Variants in DIP2A observed in about 807,000 individuals in gnomAD.
DIP2A encodes the protein DIP2 acetate--CoA ligase A, also known as disco-interacting protein 2 homolog A.
Under a neutral mutation model 177.4 loss-of-function variants are expected in DIP2A, and 85 were observed. That is an observed-to-expected ratio of 0.48 (90% CI 0.40 to 0.57). DIP2A has a LOEUF of 0.57. Among genes scored for constraint, DIP2A ranks in the 20% least tolerant of loss-of-function variants. The probability of loss-of-function intolerance (pLI) is 0.00; values close to 1 mark genes in which losing one functional copy is unlikely to be tolerated. For missense variants in DIP2A, 1,791 were observed against 2,100.2 expected (o/e 0.85, Z 2.88); for synonymous variants, 886 against 881.8 (o/e 1.00, Z -0.08).
intron 1 of DIP2A, among the ~76,000 whole-genome samples, chr21:46,476,523 A>G (rs2055860455): frequency 6.6e-6 from 1 of 152,128 alleles, no homozygotes; most frequent in Non-Finnish European, 1.5e-5. Flanking sequence ...AAGGAGGGAA[A>G]TGGAGAGAGC....
chr21:46,493,345 C>G (rs975227160), intron 3 of DIP2A, among the ~76,000 whole-genome samples: 1 of 131,784 alleles, frequency 7.6e-6, no homozygotes, highest in African/African-American at 2.7e-5. Flanking sequence ...TCTAAGACAG[C>G]AATAATGTTT....
At chr21:46,467,163 G>C (rs1025377339) in intron 1 of DIP2A, among the ~76,000 whole-genome samples, 4 of 151,918 alleles carry the variant, frequency 2.6e-5, no homozygotes, top group African/African-American at 9.7e-5. Flanking sequence ...GGGCGTGGTG[G>C]TGGGTGCCTG....
chr21:46,503,624 CTTT>C (rs1568987244), intron 5 of DIP2A, among the ~76,000 whole-genome samples: 57 of 134,866 alleles, frequency 4.2e-4, no homozygotes, highest in African/African-American at 1.6e-3. Flanking sequence ...TTCTTTCTTT[CTTT>C]CTTTCTTTCC....
In DIP2A at chr21:46,464,817, C is replaced by CTTTTTTTTTTTTTTTTTTTTTTTTTTTTT. The variant is rs1168153777; in HGVS notation, c.91+5622_91+5623insTTTTTTTTTTTTTTTTTTTTTTTTTTTTT. Among the ~76,000 whole-genome samples the CTTTTTTTTTTTTTTTTTTTTTTTTTTTTT allele has an allele frequency of 9.5e-5, 7 of 73,442 alleles. 1 individual carries two copies. Among genetic ancestry groups the CTTTTTTTTTTTTTTTTTTTTTTTTTTTTT allele is most frequent in the African/African-American group, 1.8e-4 (3 of 16,470 alleles). The allele number at this position is 73,442 out of a possible 152,430, so 48.2% of individuals were successfully genotyped here. A position where few individuals can be genotyped will look rare whatever the true frequency, so the allele number is the denominator to read the frequency against. ...TCTTCCTTTTTCTTAATATTCATGT[C>CTTTTTTTTTTTTTTTTTTTTTTTTTTTTT]TTTTTTTTTTTTTTTTTTTTTTTTT... is the stretch of plus-strand genomic sequence containing the variant. On this transcript the variant is annotated intron_variant, in intron 1 of 37. Transcript: ENST00000417564.
chr21:46,558,113 T>C (rs771934071), intron 31 of DIP2A, 110 bp from the exon 32 acceptor site: 9 of 1,124,946 alleles, frequency 8.0e-6, no homozygotes, highest in Non-Finnish European at 1.1e-5. Context: ...AGGAGGTTGG[T>C]GTCCAGCTCC....
intron 1 of DIP2A, among the ~76,000 whole-genome samples, chr21:46,459,900 CT>C (rs922496876): frequency 2.0e-5 from 3 of 152,124 alleles, no homozygotes; most frequent in African/African-American, 7.2e-5. Context: ...GGAATGACCA[CT>C]TTTGCCCCAA....
chr21:46,555,724 C>T, intron 28 of DIP2A: 1 of 507,870 alleles, frequency 2.0e-6, no homozygotes, highest in South Asian at 2.1e-5. Context: ...CGTGATGCCT[C>T]CCCTCTTCGC....
chr21:46,468,390 C>T (rs1050372466), intron 1 of DIP2A, among the ~76,000 whole-genome samples: 24 of 149,194 alleles, frequency 1.6e-4, no homozygotes, highest in African/African-American at 5.7e-4. Flanking sequence ...AATTGCACCA[C>T]TGCACTCCAT....
chr21:46,509,188 A>C, intron 6 of DIP2A, 69 bp from the exon 7 acceptor site: 1 of 1,510,706 alleles, frequency 6.6e-7, no homozygotes. Context: ...TTGTCCTTGG[A>C]CCTTACACCT....
intron 32 of DIP2A, among the ~76,000 whole-genome samples, chr21:46,559,699 G>C (rs1014228164): frequency 7.2e-5 from 11 of 152,226 alleles, no homozygotes; most frequent in Admixed American, 5.9e-4. Context: ...GGATGTTCAC[G>C]TTTGCTCTTT....
chr21:46,480,106 A>G (rs1485787247), intron 1 of DIP2A, among the ~76,000 whole-genome samples: 2 of 147,580 alleles, frequency 1.4e-5, no homozygotes, highest in African/African-American at 5.0e-5. Context: ...TATTATGGTC[A>G]GGTATTGTAT....
the DIP2A span, among the ~76,000 whole-genome samples, chr21:46,581,202 A>G: frequency 6.6e-6 from 1 of 152,186 alleles, no homozygotes; most frequent in African/African-American, 2.4e-5. Flanking sequence ...ATAGTCTTCA[A>G]GCTCTGAGAT....
In DIP2A at chr21:46,554,872, C is replaced by G; in HGVS notation, c.3327C>G (p.Leu1109=). The change falls in exon 28 of 38, where the codon CTC becomes CTG. Residue 1109 remains leucine (L), a synonymous_variant. Transcript: ENST00000417564. The part of the protein sequence containing the change: ...VLTTQAVTRL[L]RSKEAAAAVD... ...CCACGCAGGCTGTCACACGGCTGCT[C>G]AGGTCCAAGGAGGCTGCTGCTGCCG... 1 of 1,552,476 alleles carries G rather than the reference C, an allele frequency of 6.4e-7. No individual in the cohort carries two copies. Among genetic ancestry groups the G allele is most frequent in the Middle Eastern group, 1.7e-4 (1 of 5,888 alleles).
intron 1 of DIP2A, among the ~76,000 whole-genome samples, chr21:46,464,404 A>T (rs1011890252): frequency 6.6e-6 from 1 of 152,170 alleles, no homozygotes; most frequent in Non-Finnish European, 1.5e-5. Context: ...AAAAAAAGAA[A>T]AACGTTCTCA....
At chr21:46,463,701 TGTGTGTGTGTGTGTGTGTA>T (rs1568890263) in intron 1 of DIP2A, among the ~76,000 whole-genome samples, 1 of 151,532 alleles carries the variant, frequency 6.6e-6, no homozygotes, top group Non-Finnish European at 1.5e-5. Flanking sequence ...TGTGTGTGTG[TGTGTGTGTGTGTGTGTGTA>T]TATTTTGAGA....
chr21:46,484,747 G>A lies in DIP2A; in HGVS notation c.92-10G>A. Reference sequence around the variant, plus strand: ...AAGAAATGCAATTCTTTTTTCCATTGTTGTTTTAGGTGACATCACTCAAAA... The same window carrying A: ...AAGAAATGCAATTCTTTTTTCCATTATTGTTTTAGGTGACATCACTCAAAA... On this transcript the variant is annotated splice_polypyrimidine_tract_variant and intron_variant, in intron 1 of 37. Transcript: ENST00000417564. 1 of 1,549,716 alleles carries A rather than the reference G, an allele frequency of 6.5e-7. No individual in the cohort carries two copies. The highest frequency in any genetic ancestry group is 8.7e-7 in the Non-Finnish European group (1 of 1,150,424).
intron 5 of DIP2A, among the ~76,000 whole-genome samples, chr21:46,499,623 A>G (rs1178273261): frequency 6.6e-6 from 1 of 152,334 alleles, no homozygotes; most frequent in East Asian, 1.9e-4. Context: ...CCTTTAAATT[A>G]CATTCATCTT....
chr21:46,503,612 CTTTCTTTCT>C (rs1231074670), intron 5 of DIP2A, among the ~76,000 whole-genome samples: 2,014 of 79,410 alleles, frequency 0.025, 41 homozygotes, highest in African/African-American at 0.043. Context: ...TCCTTCCTTC[CTTTCTTTCT>C]TTCTTTCTTT....
chr21:46,485,776 G>C lies in DIP2A; in HGVS notation c.163+948G>C, dbSNP rs147392855. On this transcript the variant is annotated intron_variant, in intron 2 of 37. Transcript: ENST00000417564. ...GAGAAGATAGTTGTAACACAAATAAGAAGTAGTATCCAGAGGCCAGGCGCG... is the reference window on the plus strand; with the variant it reads ...GAGAAGATAGTTGTAACACAAATAACAAGTAGTATCCAGAGGCCAGGCGCG... 1.2e-4 allele frequency among the ~76,000 whole-genome samples: 18 copies of C among 152,204 alleles called. No individual in the cohort carries two copies. The East Asian group carries it at 2.5e-3, about 21-fold the overall frequency.
Sources: allele counts gnomAD v4.1 joint callset (sites outside exome capture counted in the v4.1 genomes callset), GRCh38; gene constraint gnomAD v4.1.1; transcripts MANE v1.5; gene names NCBI Gene and HGNC (gene_info 2026-07-23, HGNC 2026-07-21).